HYDIN: variants seen among roughly 807,000 people sequenced by gnomAD.
The protein encoded by HYDIN is axonemal central pair apparatus protein HYDIN.
HYDIN carries 132 observed loss-of-function variants against 403.9 expected under a neutral mutation model. The observed-to-expected ratio is 0.33, with a 90% confidence interval of 0.28 to 0.38. The LOEUF is 0.38. Among genes scored for constraint, HYDIN ranks in the 10% least tolerant of loss-of-function variants. The pLI is 1.00. For synonymous variants in HYDIN, 1,202 were observed against 1,891.7 expected (o/e 0.64, Z 9.46); for missense variants, 2,827 against 5,009.5 (o/e 0.56, Z 13.15).
intron 36 of HYDIN, among the ~76,000 whole-genome samples, chr16:70,965,866 C>T (rs1438870517): frequency 6.6e-6 from 1 of 152,014 alleles, no homozygotes; most frequent in Non-Finnish European, 1.5e-5. Context: ...GATGACAAGC[C>T]TTATCAGGAA....
intron 73 of HYDIN, among the ~76,000 whole-genome samples, chr16:70,853,207 C>T (rs912446610): frequency 3.3e-5 from 5 of 151,954 alleles, no homozygotes; most frequent in African/African-American, 4.8e-5. Flanking sequence ...AATTGTGACA[C>T]CACTAAATTT....
chr16:70,995,029 A>G (rs1567965709), intron 23 of HYDIN, among the ~76,000 whole-genome samples: 1 of 151,898 alleles, frequency 6.6e-6, no homozygotes, highest in Admixed American at 6.6e-5. Context: ...TCAGTTGACA[A>G]TGCTACCTGG....
At chr16:70,843,391 C>T (rs2037972882) in intron 75 of HYDIN, among the ~76,000 whole-genome samples, 1 of 133,368 alleles carries the variant, frequency 7.5e-6, no homozygotes, top group Admixed American at 7.4e-5. Flanking sequence ...TTTATGGCTG[C>T]ATAGTATTCC....
At position 71,010,701 on chromosome 16, in the gene HYDIN, C is replaced by A. The variant is rs114169970; in HGVS notation, c.3644+7428G>T. On this transcript the variant is annotated intron_variant, in intron 23 of 85. Coordinates refer to ENST00000393567, the MANE Select transcript of HYDIN (RefSeq NM_001270974.2). ...TCGGACACCAGCACCCTGAGCTACC[C>A]AGGGACAGCTGTGGTTTAAGGGTAC... 3.9e-3 allele frequency among the ~76,000 whole-genome samples: 591 copies of A among 152,368 alleles called. 6 individuals carry two copies. The highest frequency in any genetic ancestry group is 0.013 in the African/African-American group (547 of 41,584).
chr16:71,220,617 T>G (rs571640979), intron 1 of HYDIN, among the ~76,000 whole-genome samples: 9 of 152,332 alleles, frequency 5.9e-5, no homozygotes, highest in African/African-American at 2.2e-4. Context: ...ATACAGCGAA[T>G]ACATCCAGGT....
intron 21 of HYDIN, among the ~76,000 whole-genome samples, chr16:71,025,085 C>T (rs1276522204): frequency 6.6e-6 from 1 of 152,182 alleles, no homozygotes; most frequent in Non-Finnish European, 1.5e-5. Context: ...GTTTATTTTA[C>T]CTGATTAAAG....
At chr16:71,093,030 A>ATG (rs57355319) in intron 11 of HYDIN, among the ~76,000 whole-genome samples, 1 of 47,676 alleles carries the variant, frequency 2.1e-5, no homozygotes, top group African/African-American at 2.7e-4. Context: ...ATTAGAAATC[A>ATG]CACACACACA....
chr16:71,187,991 A>G (rs1033357161), intron 1 of HYDIN, among the ~76,000 whole-genome samples: 11 of 152,316 alleles, frequency 7.2e-5, no homozygotes, highest in African/African-American at 2.6e-4. Flanking sequence ...AAGAAAGCTC[A>G]GGTGTTCCTT....
At chr16:70,831,584 A>C (rs2037001302) in intron 80 of HYDIN, among the ~76,000 whole-genome samples, 1 of 140,306 alleles carries the variant, frequency 7.1e-6, no homozygotes, top group Non-Finnish European at 1.5e-5. Flanking sequence ...GCCGGTGAGT[A>C]GGAAGAAACC....
At chr16:70,868,494 A>G in intron 66 of HYDIN, 76 bp downstream of exon 66, 1 of 1,491,956 alleles carries the variant, frequency 6.7e-7, no homozygotes, top group South Asian at 1.3e-5. Flanking sequence ...AAAAAAGGAA[A>G]TGATGAGGGA....
chr16:71,191,408 CGT>C (rs974735359), intron 1 of HYDIN, among the ~76,000 whole-genome samples: 41 of 152,108 alleles, frequency 2.7e-4, no homozygotes, highest in Admixed American at 8.5e-4. Context: ...AAAAAATGCG[CGT>C]GTTTGCGTTT....
intron 10 of HYDIN, among the ~76,000 whole-genome samples, chr16:71,108,165 G>C (rs529056431): frequency 6.6e-6 from 1 of 152,294 alleles, no homozygotes; most frequent in Non-Finnish European, 1.5e-5. Context: ...CTGGGGCCTA[G>C]TGGAGGGCGG....
chr16:71,149,462 T>C (rs2085448725), intron 7 of HYDIN, among the ~76,000 whole-genome samples: 1 of 151,728 alleles, frequency 6.6e-6, no homozygotes. Context: ...TATGTATATC[T>C]GCACACACAC....
At position 71,195,330 on chromosome 16, in the gene HYDIN, T is replaced by A. The variant is rs538196062; in HGVS notation, c.-23-8412A>T. ...ATTAACTTTGCTTTCTGGAAGTAAATGTGAATGCATAAAACTGTTCACATG... is the reference window on the plus strand; with the variant it reads ...ATTAACTTTGCTTTCTGGAAGTAAAAGTGAATGCATAAAACTGTTCACATG... On this transcript the variant is annotated intron_variant, in intron 1 of 85. Transcript: ENST00000393567. Among the ~76,000 whole-genome samples the A allele has an allele frequency of 2.6e-5, 4 of 152,136 alleles. No homozygotes were observed. The South Asian group carries it at 8.3e-4, about 32-fold the overall frequency.
intron 73 of HYDIN, among the ~76,000 whole-genome samples, chr16:70,851,595 A>G (rs1179208791): frequency 6.6e-6 from 1 of 151,304 alleles, no homozygotes; most frequent in Non-Finnish European, 1.5e-5. Context: ...GCGAGGCTGC[A>G]GAGAAAAGGG....
At chr16:71,055,698 C>G (rs1167113938) in intron 18 of HYDIN, among the ~76,000 whole-genome samples, 2 of 152,012 alleles carry the variant, frequency 1.3e-5, no homozygotes, top group Non-Finnish European at 2.9e-5. Flanking sequence ...TCCAGGAATT[C>G]TAAGTATCTC....
chr16:71,053,917 G>A (rs1268658235), intron 18 of HYDIN, among the ~76,000 whole-genome samples: 1 of 152,286 alleles, frequency 6.6e-6, no homozygotes, highest in African/African-American at 2.4e-5. Flanking sequence ...CTGACCTCCA[G>A]AATTAAATAC....
At chr16:71,204,472 C>T (rs1372182450) in intron 1 of HYDIN, among the ~76,000 whole-genome samples, 4 of 152,204 alleles carry the variant, frequency 2.6e-5, no homozygotes, top group African/African-American at 9.7e-5. Flanking sequence ...TGACCGTTCT[C>T]GATTGAGTGC....
intron 64 of HYDIN, 61 bp downstream of exon 64, chr16:70,874,234 AATTTACTCTC>A (rs1358277528): frequency 2.8e-6 from 3 of 1,076,822 alleles, no homozygotes; most frequent in Non-Finnish European, 4.0e-6. Flanking sequence ...CTGTTATTTA[AATTTACTCTC>A]ATTTAAAACA....
Sources: allele counts gnomAD v4.1 joint callset (sites outside exome capture counted in the v4.1 genomes callset), GRCh38; gene constraint gnomAD v4.1.1; transcripts MANE v1.5; gene names NCBI Gene and HGNC (gene_info 2026-07-23, HGNC 2026-07-21).